The following CHLSN variants were observed in gnomAD, a reference collection of about 807,000 sequenced individuals.
CHLSN encodes the protein protein cholesin.
chr7:999,541 C>T, the CHLSN span, among the ~76,000 whole-genome samples: 1 of 152,130 alleles, frequency 6.6e-6, no homozygotes, highest in Non-Finnish European at 1.5e-5. Context: ...TGTCACTGCA[C>T]TCCAGCCTGG....
the CHLSN span, chr7:1,092,084 T>G: frequency 6.2e-7 from 1 of 1,613,976 alleles, no homozygotes; most frequent in East Asian, 2.2e-5. Context: ...GTGTTCAACC[T>G]GCACGAGCGG....
chr7:1,092,687 A>T, the CHLSN span: 1 of 1,610,420 alleles, frequency 6.2e-7, no homozygotes. Flanking sequence ...AGCTGCCTAA[A>T]CCCCCTCATC....
At chr7:1,029,841 C>G in the CHLSN span, among the ~76,000 whole-genome samples, 1 of 152,220 alleles carries the variant, frequency 6.6e-6, no homozygotes, top group Admixed American at 6.5e-5. Context: ...GTTTCACCAT[C>G]TCCAGGCCTG....
chr7:1,041,864 A>C, the CHLSN span, among the ~76,000 whole-genome samples: 3 of 151,478 alleles, frequency 2.0e-5, no homozygotes, highest in African/African-American at 7.3e-5. Flanking sequence ...CCAGCTCCTG[A>C]CCAGCAGCCC....
chr7:1,005,172 T>C, the CHLSN span, among the ~76,000 whole-genome samples: 8 of 152,146 alleles, frequency 5.3e-5, no homozygotes, highest in Non-Finnish European at 1.2e-4. Context: ...ATGCCTGTAA[T>C]CTCAGCTACT....
the CHLSN span, among the ~76,000 whole-genome samples, chr7:987,873 G>A: frequency 6.6e-6 from 1 of 151,460 alleles, no homozygotes; most frequent in African/African-American, 2.4e-5. Flanking sequence ...TGTGTCCTGG[G>A]GATCCCCTGT....
At chr7:1,000,628 G>A in the CHLSN span, 1 of 1,232,986 alleles carries the variant, frequency 8.1e-7, no homozygotes, top group South Asian at 1.3e-5. Flanking sequence ...AGAGATCGGG[G>A]ACGCCTCATC....
At chr7:1,068,491 G>A in the CHLSN span, among the ~76,000 whole-genome samples, 7 of 152,102 alleles carry the variant, frequency 4.6e-5, no homozygotes, top group Non-Finnish European at 7.4e-5. Flanking sequence ...ACACAAACTC[G>A]GCTTTGCAAA....
At chr7:1,099,909 C>T in the CHLSN span, among the ~76,000 whole-genome samples, 8 of 152,234 alleles carry the variant, frequency 5.3e-5, no homozygotes, top group Admixed American at 2.6e-4. Flanking sequence ...GACTCAACCA[C>T]GGCAAACCCT....
At chr7:1,086,661 C>T in the CHLSN span, 1 of 152,216 alleles carries the variant, frequency 6.6e-6, no homozygotes, top group African/African-American at 2.4e-5. Flanking sequence ...TGCACCAGCT[C>T]TCCTGGCGGG....
At chr7:1,120,003 T>C in the CHLSN span, among the ~76,000 whole-genome samples, 1 of 151,436 alleles carries the variant, frequency 6.6e-6, no homozygotes, top group African/African-American at 2.4e-5. Context: ...CTAAAAAATA[T>C]AAAAGAGAAG....
chr7:1,069,359 C>A, the CHLSN span, among the ~76,000 whole-genome samples: 1 of 146,088 alleles, frequency 6.8e-6, no homozygotes, highest in African/African-American at 2.5e-5. Context: ...CTCCCTCTCC[C>A]CTCTCCCCTC....
At chr7:1,134,227 C>G in the CHLSN span, among the ~76,000 whole-genome samples, 37 of 150,858 alleles carry the variant, frequency 2.5e-4, no homozygotes, top group Admixed American at 6.6e-4. Context: ...GAATCACGAT[C>G]ACGCCATGAT....
the CHLSN span, among the ~76,000 whole-genome samples, chr7:1,047,574 C>T: frequency 6.6e-6 from 1 of 152,228 alleles, no homozygotes; most frequent in African/African-American, 2.4e-5. Flanking sequence ...TTCATTACTA[C>T]AAAAGAAAAT....
the CHLSN span, among the ~76,000 whole-genome samples, chr7:991,489 A>AG: frequency 2.6e-4 from 36 of 139,004 alleles, no homozygotes; most frequent in Admixed American, 4.9e-4. Context: ...GCAGGAGGGA[A>AG]GGGGGGGGCC....
chr7:1,112,434 C>T, the CHLSN span, among the ~76,000 whole-genome samples: 883 of 152,284 alleles, frequency 5.8e-3, 8 homozygotes, highest in African/African-American at 0.02. Context: ...GTGGCTGGGA[C>T]GGCTACCCCC....
the CHLSN span, among the ~76,000 whole-genome samples, chr7:1,051,608 T>G: frequency 3.3e-5 from 5 of 152,222 alleles, no homozygotes; most frequent in African/African-American, 9.6e-5. Flanking sequence ...ATCTCCCGCA[T>G]GTCAGCCGCC....
At chr7:1,062,503 G>A in the CHLSN span, among the ~76,000 whole-genome samples, 220 of 152,274 alleles carry the variant, frequency 1.4e-3, 1 homozygote, top group African/African-American at 5.1e-3. Context: ...GTCTCCACAC[G>A]TCTCAAACGG....
the CHLSN span, among the ~76,000 whole-genome samples, chr7:979,743 A>G: frequency 6.6e-6 from 1 of 152,042 alleles, no homozygotes; most frequent in Non-Finnish European, 1.5e-5. Flanking sequence ...TCAAAAAAAA[A>G]AAAATGCAGG....
Sources: gnomAD v4.1 joint callset for allele counts (sites outside exome capture counted in the v4.1 genomes callset) on GRCh38, gnomAD v4.1.1 for gene constraint, MANE v1.5 for transcripts, NCBI Gene and HGNC (gene_info 2026-07-23, HGNC 2026-07-21) for gene names.